LRRTM4: variants seen among roughly 807,000 people sequenced by gnomAD.
The protein encoded by LRRTM4 is leucine-rich repeat transmembrane neuronal protein 4.
In LRRTM4, 25 loss-of-function variants were observed where a neutral mutation model predicts 47.6. The ratio of observed to expected loss-of-function variants is 0.53; its 90% CI spans 0.38 to 0.73. LRRTM4 has a LOEUF of 0.73. Ranked by LOEUF, LRRTM4 falls within the 30% of genes least tolerant of loss-of-function variation. LRRTM4 has a pLI of 0.00. For missense variants in LRRTM4, 638 were observed against 713.4 expected, an observed-to-expected ratio of 0.89 and a Z score of 1.20; for synonymous variants, 311 against 269.5, an observed-to-expected ratio of 1.15 and a Z score of -1.51.
intron 3 of LRRTM4, among the ~76,000 whole-genome samples, chr2:77,029,101 G>A (rs966502080): frequency 1.4e-5 from 2 of 146,310 alleles, no homozygotes; most frequent in Non-Finnish European, 3.0e-5. Flanking sequence ...ATATTCATTA[G>A]CAATAAAATG....
chr2:76,906,142 G>T (rs112094386), intron 3 of LRRTM4, among the ~76,000 whole-genome samples: 1 of 152,074 alleles, frequency 6.6e-6, no homozygotes, highest in African/African-American at 2.4e-5. Context: ...ACTAACAGCT[G>T]ATCTCTCAGC....
chr2:76,939,478 C>A (rs1038799763), intron 3 of LRRTM4, among the ~76,000 whole-genome samples: 3 of 151,612 alleles, frequency 2.0e-5, no homozygotes, highest in African/African-American at 7.3e-5. Context: ...AATCGTCTGG[C>A]CAGAATTAAA....
chr2:77,209,440 C>T (rs368146040), intron 3 of LRRTM4, among the ~76,000 whole-genome samples: 1 of 147,504 alleles, frequency 6.8e-6, no homozygotes, highest in Admixed American at 6.7e-5. Flanking sequence ...AAAAAAAAAA[C>T]AAAAAACCAA....
intron 3 of LRRTM4, among the ~76,000 whole-genome samples, chr2:76,795,421 A>G (rs563863086): frequency 7.8e-6 from 1 of 128,134 alleles, no homozygotes; most frequent in Non-Finnish European, 1.8e-5. Context: ...AAGATTTTTT[A>G]CTGTCATTAT....
At chr2:77,001,155 G>A (rs76666043) in intron 3 of LRRTM4, among the ~76,000 whole-genome samples, 2,697 of 152,254 alleles carry the variant, frequency 0.018, 88 homozygotes, top group African/African-American at 0.062. Flanking sequence ...TTTTAGGGCT[G>A]TAGTAGCTGT....
intron 3 of LRRTM4, among the ~76,000 whole-genome samples, chr2:76,799,886 A>AACTT (rs1252075095): frequency 1.3e-4 from 20 of 149,838 alleles, no homozygotes; most frequent in African/African-American, 4.7e-4. Flanking sequence ...CTAGGAATCC[A>AACTT]ACTTACAAGG....
chr2:77,420,041 G>A (rs1245877155), intron 3 of LRRTM4, among the ~76,000 whole-genome samples: 1 of 152,110 alleles, frequency 6.6e-6, no homozygotes, highest in East Asian at 1.9e-4. Flanking sequence ...GGTGTTGGCT[G>A]GTGTTTCTGT....
At chr2:77,220,035 A>G (rs1400374046) in intron 3 of LRRTM4, among the ~76,000 whole-genome samples, 2 of 152,174 alleles carry the variant, frequency 1.3e-5, no homozygotes, top group Non-Finnish European at 2.9e-5. Context: ...AGGCAGCAGC[A>G]TTTGTGGTTC....
intron 3 of LRRTM4, among the ~76,000 whole-genome samples, chr2:76,879,185 T>C (rs116398153): frequency 1.1e-3 from 166 of 152,232 alleles, no homozygotes; most frequent in African/African-American, 3.5e-3. Flanking sequence ...CATTAAACAG[T>C]AGGTTTTCAG....
chr2:76,853,014 T>C (rs531749452), intron 3 of LRRTM4, among the ~76,000 whole-genome samples: 1 of 152,276 alleles, frequency 6.6e-6, no homozygotes, highest in African/African-American at 2.4e-5. Flanking sequence ...TTCTGTGTAC[T>C]AGAGCAGGTA....
intron 3 of LRRTM4, among the ~76,000 whole-genome samples, chr2:76,921,927 A>G (rs915239930): frequency 2.6e-5 from 4 of 152,124 alleles, no homozygotes; most frequent in African/African-American, 9.7e-5. Context: ...TAAAATCACT[A>G]TCTGAAGAGA....
At chr2:76,799,964 A>G (rs918876500) in intron 3 of LRRTM4, among the ~76,000 whole-genome samples, 21 of 151,572 alleles carry the variant, frequency 1.4e-4, no homozygotes, top group African/African-American at 5.1e-4. Context: ...GATACAAACA[A>G]ATGGAAGAAC....
Position 77,052,628 on chromosome 2 carries a change from T to C in LRRTM4, c.1552-303712A>G, listed in dbSNP as rs540821900. Among the ~76,000 whole-genome samples, 43 of 152,232 alleles carry C rather than the reference T, an allele frequency of 2.8e-4. 1 individual carries two copies. In the South Asian group the frequency reaches 8.5e-3, roughly 30 times the overall value. On this transcript the variant is annotated intron_variant, in intron 3 of 3. Coordinates refer to ENST00000409884, the MANE Select transcript of LRRTM4 (RefSeq NM_001134745.3). ...AGTCATACCATACCATATTTTATAA[T>C]AGGTTAGAATCTATATAACAGGTTT...
chr2:76,879,286 G>C (rs570382549), intron 3 of LRRTM4, among the ~76,000 whole-genome samples: 1 of 152,114 alleles, frequency 6.6e-6, no homozygotes, highest in African/African-American at 2.4e-5. Context: ...TCAAAGCTTC[G>C]CCGGAAAGGG....
At chr2:76,908,431 A>C (rs1161855995) in intron 3 of LRRTM4, among the ~76,000 whole-genome samples, 3 of 151,408 alleles carry the variant, frequency 2.0e-5, no homozygotes, top group East Asian at 3.9e-4. Context: ...GAAAACTGGC[A>C]CAAGACAGGG....
Position 76,837,335 on chromosome 2 carries a change from T to C in LRRTM4, c.1552-88419A>G, listed in dbSNP as rs1272068108. Among the ~76,000 whole-genome samples, 3 of 152,272 alleles carry C rather than the reference T, an allele frequency of 2.0e-5. No homozygotes were observed. The East Asian group carries it at 5.8e-4, about 29-fold the overall frequency. On this transcript the variant is annotated intron_variant, in intron 3 of 3. Coordinates refer to ENST00000409884, the MANE Select transcript of LRRTM4 (RefSeq NM_001134745.3). ...TTGATCCTTTCAAAAAACCAGCTCC[T>C]GGATTCATTAATTTTTTGAAGGGTT...
chr2:76,842,944 G>A (rs1372501934), intron 3 of LRRTM4, among the ~76,000 whole-genome samples: 1 of 152,172 alleles, frequency 6.6e-6, no homozygotes, highest in Non-Finnish European at 1.5e-5. Flanking sequence ...TATAGTTGGA[G>A]TCAGCTGTCC....
At position 76,807,447 on chromosome 2, in the gene LRRTM4, T is replaced by C. The variant is rs1221552687; in HGVS notation, c.1552-58531A>G. 4.1e-3 allele frequency among the ~76,000 whole-genome samples: 372 copies of C among 90,722 alleles called. 14 individuals are homozygous for C. The highest frequency in any genetic ancestry group is 0.021 in the African/African-American group (298 of 14,232). 59.5% of individuals were successfully genotyped at this position (90,722 alleles called of 152,430 possible). ...ATACATATATATATACGTATATACA[T>C]ATATATATATACATATATATATACA... On this transcript the variant is annotated intron_variant, in intron 3 of 3. Coordinates refer to ENST00000409884, the MANE Select transcript of LRRTM4 (RefSeq NM_001134745.3).
chr2:77,233,908 C>G (rs1675036037), intron 3 of LRRTM4, among the ~76,000 whole-genome samples: 1 of 152,116 alleles, frequency 6.6e-6, no homozygotes, highest in Admixed American at 6.6e-5. Flanking sequence ...AGCGAGTCTC[C>G]CACCTCAGCC....
Sources: gnomAD v4.1 joint callset for allele counts (sites outside exome capture counted in the v4.1 genomes callset) on GRCh38, gnomAD v4.1.1 for gene constraint, MANE v1.5 for transcripts, NCBI Gene and HGNC (gene_info 2026-07-23, HGNC 2026-07-21) for gene names.